Variants in CLIC4 observed in about 807,000 individuals in gnomAD.
The protein encoded by CLIC4 is chloride intracellular channel protein 4.
Under a neutral mutation model 24.6 loss-of-function variants are expected in CLIC4, and 13 were observed. That is an observed-to-expected ratio of 0.53 (90% CI 0.34 to 0.84). CLIC4 has a LOEUF of 0.84. CLIC4 is among the 40% of genes least tolerant of loss of function. CLIC4 has a pLI of 0.01. For missense variants in CLIC4, 227 were observed against 301.7 expected (o/e 0.75, Z 1.83); for synonymous variants, 104 against 111.3 (o/e 0.93, Z 0.41).
chr1:24,791,211 T>C (rs1403944989), intron 1 of CLIC4, among the ~76,000 whole-genome samples: 1 of 152,168 alleles, frequency 6.6e-6, no homozygotes, highest in African/African-American at 2.4e-5. Context: ...TAGATAACTA[T>C]ATGTTAATTT....
rs760163704 is a variant in CLIC4 at position 24,745,613 on chromosome 1, G to T, written c.60G>T (p.Glu20Asp). 1 of 1,573,372 alleles carries T rather than the reference G, an allele frequency of 6.4e-7. No individual in the cohort carries two copies. Among genetic ancestry groups the T allele is most frequent in the South Asian group, 1.2e-5 (1 of 85,262 alleles). Residue 20 changes from glutamate (E) to aspartate (D), a missense_variant, in exon 1 of 6, where the codon GAG becomes GAT. Transcript: ENST00000374379. ...AGGAGGACAAAGAGCCCCTCATCGA[G>T]CTCTTCGTCAAGGTGAGCGCTCGCC... ...LKEEDKEPLI[E>D]LFVKAGSDGE...
intron 1 of CLIC4, among the ~76,000 whole-genome samples, chr1:24,757,966 C>G (rs527823140): frequency 6.6e-6 from 1 of 151,912 alleles, no homozygotes; most frequent in East Asian, 2.0e-4. Context: ...TCAGTGTTGC[C>G]CAGGCTGGTC....
At chr1:24,758,462 ATT>A (rs752850033) in intron 1 of CLIC4, among the ~76,000 whole-genome samples, 1 of 143,854 alleles carries the variant, frequency 7.0e-6, no homozygotes, top group Non-Finnish European at 1.5e-5. Context: ...CACCCAGATA[ATT>A]TTTTTTTTTT....
chr1:24,838,904 G>T (rs1639911982), intron 4 of CLIC4, among the ~76,000 whole-genome samples: 1 of 151,980 alleles, frequency 6.6e-6, no homozygotes. Flanking sequence ...ATGACAATCA[G>T]AATCATGACA....
chr1:24,814,775 G>A (rs963721761), intron 3 of CLIC4, among the ~76,000 whole-genome samples: 2 of 152,182 alleles, frequency 1.3e-5, no homozygotes, highest in African/African-American at 4.8e-5. Context: ...TACCTAAATT[G>A]CAGATATGCA....
At chr1:24,826,313 G>A (rs1326012770) in intron 3 of CLIC4, among the ~76,000 whole-genome samples, 1 of 152,158 alleles carries the variant, frequency 6.6e-6, no homozygotes, top group Non-Finnish European at 1.5e-5. Context: ...GGAAATCCCA[G>A]GTGTAGGTTT....
At chr1:24,810,773 A>T (rs946745018) in intron 2 of CLIC4, among the ~76,000 whole-genome samples, 2 of 151,826 alleles carry the variant, frequency 1.3e-5, no homozygotes, top group African/African-American at 4.8e-5. Flanking sequence ...AAAAAAAAAA[A>T]TCCTGAGAAA....
At chr1:24,746,182 G>A (rs1638695282) in intron 1 of CLIC4, among the ~76,000 whole-genome samples, 1 of 152,232 alleles carries the variant, frequency 6.6e-6, no homozygotes, top group Non-Finnish European at 1.5e-5. Context: ...CAAAGAGCAG[G>A]TGCTCTTGGA....
rs374689801 is a variant in CLIC4 at position 24,758,251 on chromosome 1, A to G, written c.72+12626A>G. 7.2e-5 allele frequency among the ~76,000 whole-genome samples: 11 copies of G among 152,252 alleles called. No individual in the cohort carries two copies. The East Asian group carries it at 1.7e-3, about 24-fold the overall frequency. Reference sequence around the variant, plus strand: ...AAAACAATAGAAAAGCATAAATAAAATAAAAATTACTTATAACCCCTTGAC... The same window carrying G: ...AAAACAATAGAAAAGCATAAATAAAGTAAAAATTACTTATAACCCCTTGAC... On this transcript the variant is annotated intron_variant, in intron 1 of 5. Transcript: ENST00000374379.
At chr1:24,752,733 T>C (rs904065034) in intron 1 of CLIC4, among the ~76,000 whole-genome samples, 9 of 151,604 alleles carry the variant, frequency 5.9e-5, no homozygotes, top group African/African-American at 2.2e-4. Context: ...ATTATTATTA[T>C]TTTTTTTTGA....
intron 1 of CLIC4, among the ~76,000 whole-genome samples, chr1:24,796,110 ATTGT>A (rs1409212257): frequency 6.6e-6 from 1 of 152,202 alleles, no homozygotes; most frequent in Non-Finnish European, 1.5e-5. Flanking sequence ...ATGAAAACAT[ATTGT>A]TTATGTTTTA....
intron 3 of CLIC4, among the ~76,000 whole-genome samples, chr1:24,819,827 C>T (rs1639708153): frequency 6.9e-6 from 1 of 144,706 alleles, no homozygotes; most frequent in Non-Finnish European, 1.5e-5. Context: ...GCAACCTCCG[C>T]CTCCTGGGTT....
chr1:24,802,452 T>C (rs1177435480), intron 2 of CLIC4, among the ~76,000 whole-genome samples: 1 of 152,148 alleles, frequency 6.6e-6, no homozygotes, highest in Non-Finnish European at 1.5e-5. Context: ...AAAGAAGATA[T>C]ATGTTTATTA....
intron 4 of CLIC4, 46 bp downstream of exon 4, chr1:24,827,162 A>T (rs1203845216): frequency 8.7e-7 from 1 of 1,150,456 alleles, no homozygotes; most frequent in Admixed American, 1.9e-5. Context: ...AAAACCCCAA[A>T]CAACAACAGG....
At chr1:24,776,723 C>G (rs1192705039) in intron 1 of CLIC4, among the ~76,000 whole-genome samples, 1 of 151,928 alleles carries the variant, frequency 6.6e-6, no homozygotes, top group African/African-American at 2.4e-5. Flanking sequence ...GGTGGATCAC[C>G]AGAGGTCAGG....
intron 2 of CLIC4, among the ~76,000 whole-genome samples, chr1:24,812,318 C>T (rs1335447799): frequency 6.6e-6 from 1 of 152,022 alleles, no homozygotes; most frequent in African/African-American, 2.4e-5. Context: ...TCTGGTGATC[C>T]TTTTCCTTGT....
Position 24,787,845 on chromosome 1 carries a change from ATTTTTTTTTTTTT to A in CLIC4, c.73-9885_73-9873del, listed in dbSNP as rs60149402. Among the ~76,000 whole-genome samples the A allele has an allele frequency of 4.8e-3, 689 of 142,298 alleles. 6 individuals carry two copies. The Middle Eastern group carries it at 0.052, about 11-fold the overall frequency. 93.4% of individuals were successfully genotyped at this position (142,298 alleles called of 152,430 possible). A position where few individuals can be genotyped will look rare whatever the true frequency, so the allele number is the denominator to read the frequency against. ...CAGGCGTGAGTCACCGTGCCCGGCC[ATTTTTTTTTTTTT>A]TTTTTTTTTTTGGGAGAGACAGAGT... is the stretch of plus-strand genomic sequence containing the variant. On this transcript the variant is annotated intron_variant, in intron 1 of 5. Coordinates refer to ENST00000374379, the MANE Select transcript of CLIC4 (RefSeq NM_013943.3).
rs190059569 is a variant in CLIC4, at chr1:24,751,518, G to A, written c.72+5893G>A. ...CTCCCAAAGTGCTGGGATTACAGGC[G>A]TGAGCCACCGTGCCAGTCTTTTATA... On this transcript the variant is annotated intron_variant, in intron 1 of 5. Transcript: ENST00000374379. 1.5e-3 allele frequency among the ~76,000 whole-genome samples: 233 copies of A among 152,280 alleles called. 7 individuals carry two copies. In the East Asian group the frequency reaches 0.035, roughly 23 times the overall value.
chr1:24,822,341 CTTTTTTT>C (rs71032865), intron 3 of CLIC4, among the ~76,000 whole-genome samples: 139 of 75,494 alleles, frequency 1.8e-3, no homozygotes, highest in African/African-American at 6.0e-3. Flanking sequence ...TCAGTGAATT[CTTTTTTT>C]TTTTTTTTTT....
Sources: gnomAD v4.1 joint callset for allele counts (sites outside exome capture counted in the v4.1 genomes callset) on GRCh38, gnomAD v4.1.1 for gene constraint, MANE v1.5 for transcripts, NCBI Gene and HGNC (gene_info 2026-07-23, HGNC 2026-07-21) for gene names.